PRKAG2: variants seen among roughly 807,000 people sequenced by gnomAD.
PRKAG2 encodes protein kinase AMP-activated non-catalytic subunit gamma 2, also known as 5'-AMP-activated protein kinase subunit gamma-2.
Under a neutral mutation model 69.6 loss-of-function variants are expected in PRKAG2, and 26 were observed. The ratio of observed to expected loss-of-function variants is 0.37; its 90% CI spans 0.27 to 0.52. The LOEUF (loss-of-function observed/expected upper bound fraction) is 0.52. Ranked by LOEUF, PRKAG2 falls within the 20% of genes least tolerant of loss-of-function variation. The probability of loss-of-function intolerance (pLI) is 0.90; values close to 1 mark genes in which losing one functional copy is unlikely to be tolerated. For synonymous variants in PRKAG2, 293 were observed against 285.0 expected (o/e 1.03, Z -0.28); for missense variants, 557 against 740.0 (o/e 0.75, Z 2.87).
At chr7:151,865,960 C>T (rs1586747231) in intron 1 of PRKAG2, among the ~76,000 whole-genome samples, 2 of 145,942 alleles carry the variant, frequency 1.4e-5, no homozygotes, top group East Asian at 4.1e-4. Context: ...GCGGAGCTTG[C>T]AGTGAGCGGA....
intron 8 of PRKAG2, among the ~76,000 whole-genome samples, chr7:151,573,292 G>A (rs375808854): frequency 1.1e-4 from 16 of 148,780 alleles, no homozygotes; most frequent in African/African-American, 4.0e-4. Context: ...GAGTAACTTG[G>A]ACTACAGATG....
At chr7:151,782,369 G>GAAAGA (rs1563663362) in intron 2 of PRKAG2, among the ~76,000 whole-genome samples, 18 of 38,834 alleles carry the variant, frequency 4.6e-4, no homozygotes, top group African/African-American at 1.1e-3. Flanking sequence ...GGGAGGGAGG[G>GAAAGA]AGGGAAGGAA....
In PRKAG2 at chr7:151,648,355, C is replaced by T. The variant is rs115866620; in HGVS notation, c.685-16217G>A. Among the ~76,000 whole-genome samples, 998 of 152,232 alleles carry T rather than the reference C, an allele frequency of 6.6e-3. 20 individuals are homozygous for T. Among genetic ancestry groups the T allele is most frequent in the African/African-American group, 0.023 (945 of 41,520 alleles). ...ATATACAAAAATGTCGCTATGAAAA[C>T]GTTCATCCTTGTACCGCCTGAAAGC... On this transcript the variant is annotated intron_variant, in intron 4 of 15. Coordinates refer to ENST00000287878, the MANE Select transcript of PRKAG2 (RefSeq NM_016203.4).
At chr7:151,695,489 C>T (rs946561563) in intron 3 of PRKAG2, among the ~76,000 whole-genome samples, 1 of 152,118 alleles carries the variant, frequency 6.6e-6, no homozygotes, top group Non-Finnish European at 1.5e-5. Context: ...CAAACTTTCT[C>T]GTGTGGGTGC....
intron 3 of PRKAG2, among the ~76,000 whole-genome samples, chr7:151,752,035 G>A (rs1242923403): frequency 6.6e-6 from 1 of 152,204 alleles, no homozygotes; most frequent in African/African-American, 2.4e-5. Flanking sequence ...GGGACAGGGT[G>A]GGGATATGAT....
rs548548573 is a variant in PRKAG2 at position 151,862,100 on chromosome 7, G to A, written c.114+14407C>T. On this transcript the variant is annotated intron_variant, in intron 1 of 15. Coordinates refer to ENST00000287878, the MANE Select transcript of PRKAG2 (RefSeq NM_016203.4). ...CCCGAGGCACTGGCATCTGGCCCCC[G>A]GGCTCTGCATTGCATGAAGGTCTAG... Among the ~76,000 whole-genome samples, 196 of 152,118 alleles carry A rather than the reference G, an allele frequency of 1.3e-3. 6 individuals carry two copies. In the South Asian group the frequency reaches 0.034, roughly 27 times the overall value.
At chr7:151,749,326 C>T (rs1453648216) in intron 3 of PRKAG2, among the ~76,000 whole-genome samples, 1 of 152,138 alleles carries the variant, frequency 6.6e-6, no homozygotes, top group African/African-American at 2.4e-5. Context: ...ATCCTGATGC[C>T]CCATTTCTTT....
chr7:151,874,501 TATG>T lies in PRKAG2; in HGVS notation c.114+2003_114+2005del, dbSNP rs373342030. On this transcript the variant is annotated intron_variant, in intron 1 of 15. Transcript: ENST00000287878. ...TGTATATGTATATGATGTATATGTA[TATG>T]ATGTATATGTATATGTATATGATGT... 9.7e-4 allele frequency among the ~76,000 whole-genome samples: 104 copies of T among 107,468 alleles called. 8 individuals carry two copies. Among genetic ancestry groups the T allele is most frequent in the African/African-American group, 1.6e-3 (43 of 26,642 alleles). The allele number at this position is 107,468 out of a possible 152,430, so 70.5% of individuals were successfully genotyped here.
intron 1 of PRKAG2, among the ~76,000 whole-genome samples, chr7:151,818,933 G>A (rs1237160484): frequency 2.0e-5 from 3 of 152,264 alleles, no homozygotes; most frequent in Non-Finnish European, 4.4e-5. Flanking sequence ...GCCAGGTCCT[G>A]TGGTTGCTTC....
In PRKAG2 at chr7:151,560,655, T is replaced by A. The variant is rs755892050; in HGVS notation, c.1585-38A>T. 6.2e-6 allele frequency: 10 copies of A among 1,611,982 alleles called. No homozygotes were observed. In the Admixed American group the frequency reaches 6.7e-5, roughly 11 times the overall value. ...AAGCAGGACACGTGAAAATTAACAT[T>A]TAAAAAAGGTTTAAAATGGACATGA... On this transcript the variant is annotated intron_variant, in intron 14 of 15. Coordinates refer to ENST00000287878, the MANE Select transcript of PRKAG2 (RefSeq NM_016203.4).
chr7:151,741,583 G>A (rs1443479327), intron 3 of PRKAG2, among the ~76,000 whole-genome samples: 1 of 151,622 alleles, frequency 6.6e-6, no homozygotes, highest in Admixed American at 6.6e-5. Context: ...GCTGAGGCAG[G>A]AGAATCGCTT....
At chr7:151,669,576 T>C (rs1282850496) in intron 4 of PRKAG2, among the ~76,000 whole-genome samples, 1 of 152,258 alleles carries the variant, frequency 6.6e-6, no homozygotes, top group East Asian at 1.9e-4. Context: ...TACATTTCTA[T>C]GAATTATTTC....
chr7:151,578,638 T>C (rs1406238199), intron 6 of PRKAG2, among the ~76,000 whole-genome samples: 1 of 152,180 alleles, frequency 6.6e-6, no homozygotes, highest in African/African-American at 2.4e-5. Flanking sequence ...TTCTAGACAT[T>C]AGTCAAATGA....
At chr7:151,871,707 T>C (rs1018671477) in intron 1 of PRKAG2, among the ~76,000 whole-genome samples, 2 of 152,232 alleles carry the variant, frequency 1.3e-5, no homozygotes, top group South Asian at 4.1e-4. Flanking sequence ...GGATTCTTCC[T>C]TCCTGGTGTC....
intron 1 of PRKAG2, among the ~76,000 whole-genome samples, chr7:151,839,061 G>C (rs936679482): frequency 2.0e-5 from 3 of 150,646 alleles, no homozygotes; most frequent in Non-Finnish European, 4.4e-5. Flanking sequence ...TCTGAAGCCA[G>C]CTCTGCAGAC....
chr7:151,607,377 G>A (rs941048189), intron 5 of PRKAG2, among the ~76,000 whole-genome samples: 4 of 152,120 alleles, frequency 2.6e-5, no homozygotes, highest in African/African-American at 7.2e-5. Flanking sequence ...GAACTCTCAG[G>A]CTCAAGCAAT....
intron 5 of PRKAG2, among the ~76,000 whole-genome samples, chr7:151,611,436 C>A (rs1214727467): frequency 6.6e-6 from 1 of 152,202 alleles, no homozygotes; most frequent in Admixed American, 6.5e-5. Flanking sequence ...CAGCTTCATG[C>A]TTAATTTTGT....
chr7:151,703,657 T>C (rs1838089549), intron 3 of PRKAG2, among the ~76,000 whole-genome samples: 1 of 152,148 alleles, frequency 6.6e-6, no homozygotes, highest in Non-Finnish European at 1.5e-5. Flanking sequence ...TCAATCTCCC[T>C]GCCAGGCACC....
chr7:151,620,969 T>G (rs1821356965), intron 5 of PRKAG2, among the ~76,000 whole-genome samples: 1 of 152,188 alleles, frequency 6.6e-6, no homozygotes, highest in Admixed American at 6.5e-5. Flanking sequence ...CCGCCCACCT[T>G]GGCCTCCCAA....
Sources: gnomAD v4.1 joint callset for allele counts (sites outside exome capture counted in the v4.1 genomes callset) on GRCh38, gnomAD v4.1.1 for gene constraint, MANE v1.5 for transcripts, NCBI Gene and HGNC (gene_info 2026-07-23, HGNC 2026-07-21) for gene names.